Variants in FRMD4A observed in about 807,000 individuals in gnomAD.
The protein encoded by FRMD4A is FERM domain-containing protein 4A.
Under a neutral mutation model 129.1 loss-of-function variants are expected in FRMD4A, and 29 were observed. That is an observed-to-expected ratio of 0.22 (90% CI 0.17 to 0.31). FRMD4A has a LOEUF of 0.31. Among genes scored for constraint, FRMD4A ranks in the 10% least tolerant of loss-of-function variants. The pLI, the probability that FRMD4A is intolerant of heterozygous loss-of-function variation, is 1.00. For missense variants in FRMD4A, 1,272 were observed against 1,375.8 expected, an observed-to-expected ratio of 0.92 and a Z score of 1.19; for synonymous variants, 634 against 571.6, an observed-to-expected ratio of 1.11 and a Z score of -1.56.
intron 2 of FRMD4A, among the ~76,000 whole-genome samples, chr10:14,272,610 A>G (rs1180174475): frequency 6.6e-6 from 1 of 152,238 alleles, no homozygotes; most frequent in Non-Finnish European, 1.5e-5. Context: ...AGAATTTATA[A>G]GAAAAGAGGT....
intron 2 of FRMD4A, among the ~76,000 whole-genome samples, chr10:13,887,390 A>C (rs1338446073): frequency 1.3e-5 from 2 of 152,224 alleles, no homozygotes; most frequent in Non-Finnish European, 2.9e-5. Flanking sequence ...TGATACAGTT[A>C]AGAACTGAGG....
intron 15 of FRMD4A, among the ~76,000 whole-genome samples, chr10:13,689,308 G>A (rs1321516174): frequency 6.7e-6 from 1 of 148,696 alleles, no homozygotes; most frequent in Non-Finnish European, 1.5e-5. Context: ...ATCTTACAGT[G>A]TTGTGACATG....
chr10:13,976,768 A>C (rs4237438), intron 2 of FRMD4A, among the ~76,000 whole-genome samples: 53,988 of 152,124 alleles, frequency 0.35, 9,954 homozygotes, highest in East Asian at 0.6. Flanking sequence ...AATCTAATGT[A>C]ACCCATCTTA....
At chr10:13,928,270 C>T (rs2095157071) in intron 2 of FRMD4A, among the ~76,000 whole-genome samples, 1 of 152,080 alleles carries the variant, frequency 6.6e-6, no homozygotes, top group Non-Finnish European at 1.5e-5. Flanking sequence ...AATCCGCTCA[C>T]CTCGGTCTCC....
At chr10:14,083,790 G>A (rs1038979100) in intron 2 of FRMD4A, 1 of 152,132 alleles carries the variant, frequency 6.6e-6, no homozygotes. Flanking sequence ...AAATAAAACA[G>A]AAAATCTTGG....
intron 15 of FRMD4A, among the ~76,000 whole-genome samples, chr10:13,677,562 T>C (rs775047676): frequency 6.6e-6 from 1 of 152,216 alleles, no homozygotes; most frequent in Non-Finnish European, 1.5e-5. Context: ...ACTAAATCCA[T>C]ATAGTGTCAT....
intron 5 of FRMD4A, among the ~76,000 whole-genome samples, chr10:13,793,633 G>A (rs896053212): frequency 6.6e-6 from 1 of 152,188 alleles, no homozygotes; most frequent in Non-Finnish European, 1.5e-5. Context: ...CTGGAGTGGG[G>A]AGGCTGCTCA....
At position 13,646,742 on chromosome 10, in the gene FRMD4A, C is replaced by G. The variant is rs1317312413; in HGVS notation, c.*296G>C. ...ATGGGCAAGAGCGCCAGGGGACACA[C>G]AGTGGGACCGGAACCTTCCAGAATG... On this transcript the variant is annotated 3_prime_UTR_variant, in exon 25 of 25. Transcript: ENST00000357447. 1 of 152,710 alleles carries G rather than the reference C, an allele frequency of 6.5e-6. No homozygotes were observed. The highest frequency in any genetic ancestry group is 1.5e-5 in the Non-Finnish European group (1 of 68,128). The allele number at this position is 152,710 out of a possible 1,614,324, so 9.5% of individuals were successfully genotyped here.
At chr10:14,328,847 A>G (rs1210475341) in intron 2 of FRMD4A, among the ~76,000 whole-genome samples, 1 of 152,192 alleles carries the variant, frequency 6.6e-6, no homozygotes, top group Non-Finnish European at 1.5e-5. Flanking sequence ...ATCAGACGAT[A>G]GAATTAGTAA....
chr10:13,651,308 G>A (rs147084957), intron 24 of FRMD4A: 1 of 152,556 alleles, frequency 6.6e-6, no homozygotes, highest in Non-Finnish European at 1.5e-5. Context: ...GGTGCTTCTG[G>A]AGCCACTGAG....
At chr10:13,904,752 G>A (rs1310129317) in intron 2 of FRMD4A, among the ~76,000 whole-genome samples, 1 of 152,098 alleles carries the variant, frequency 6.6e-6, no homozygotes, top group Non-Finnish European at 1.5e-5. Context: ...CAGCACTTTG[G>A]AAAGCCAAGG....
At chr10:13,965,173 A>G (rs1353970251) in intron 2 of FRMD4A, among the ~76,000 whole-genome samples, 1 of 151,910 alleles carries the variant, frequency 6.6e-6, no homozygotes, top group Non-Finnish European at 1.5e-5. Context: ...TCTGTAATCA[A>G]GTTACGGTGA....
chr10:13,677,578 C>T (rs2084112628), intron 15 of FRMD4A, among the ~76,000 whole-genome samples: 1 of 152,194 alleles, frequency 6.6e-6, no homozygotes, highest in South Asian at 2.1e-4. Flanking sequence ...GTCATATTCA[C>T]ACAGCACATC....
intron 8 of FRMD4A, among the ~76,000 whole-genome samples, chr10:13,756,392 A>G (rs1290810057): frequency 3.9e-5 from 6 of 152,168 alleles, no homozygotes; most frequent in African/African-American, 7.2e-5. Flanking sequence ...GTCTCGCTCT[A>G]TTACTCAGGC....
intron 23 of FRMD4A, chr10:13,653,192 A>C (rs758926030): frequency 1.3e-5 from 2 of 152,002 alleles, no homozygotes; most frequent in Non-Finnish European, 2.9e-5. Flanking sequence ...AGGCTCCAGA[A>C]AACCTGGTGT....
At chr10:13,754,430 C>T (rs148535707) in intron 8 of FRMD4A, among the ~76,000 whole-genome samples, 57 of 152,264 alleles carry the variant, frequency 3.7e-4, no homozygotes, top group African/African-American at 1.3e-3. Context: ...TCCACTTGAA[C>T]ATTTTGCTTC....
At chr10:14,035,138 C>A (rs531021847) in intron 2 of FRMD4A, among the ~76,000 whole-genome samples, 1 of 152,128 alleles carries the variant, frequency 6.6e-6, no homozygotes, top group South Asian at 2.1e-4. Flanking sequence ...ATAGACTGGG[C>A]ACGGTGGCTC....
At position 13,928,598 on chromosome 10, in the gene FRMD4A, G is replaced by A. The variant is rs1008289220; in HGVS notation, c.46-69686C>T. 5.3e-5 allele frequency among the ~76,000 whole-genome samples: 8 copies of A among 152,156 alleles called. No homozygotes were observed. In the South Asian group the frequency reaches 1.7e-3, roughly 32 times the overall value. On this transcript the variant is annotated intron_variant, in intron 2 of 24. Coordinates refer to ENST00000357447, the MANE Select transcript of FRMD4A (RefSeq NM_018027.5). ...CTGCTCTGTTTCATTTCTTTTTACA[G>A]TCAGTGATAAATGGAGATCATATAT...
chr10:14,013,179 G>A (rs537053341), intron 2 of FRMD4A, among the ~76,000 whole-genome samples: 8 of 152,212 alleles, frequency 5.3e-5, no homozygotes, highest in African/African-American at 1.9e-4. Flanking sequence ...CTTACATGAA[G>A]GAAACAGAAA....
Sources: gnomAD v4.1 joint callset for allele counts (sites outside exome capture counted in the v4.1 genomes callset) on GRCh38, gnomAD v4.1.1 for gene constraint, MANE v1.5 for transcripts, NCBI Gene and HGNC (gene_info 2026-07-23, HGNC 2026-07-21) for gene names.